MRPS31: variants seen among roughly 807,000 people sequenced by gnomAD.
MRPS31 encodes mitochondrial ribosomal protein S31.
Under a neutral mutation model 43.1 loss-of-function variants are expected in MRPS31, and 32 were observed. That is an observed-to-expected ratio of 0.74 (90% CI 0.56 to 1.00). The LOEUF is 1.00. Among genes scored for constraint, MRPS31 ranks in the 50% least tolerant of loss-of-function variants. The pLI is 0.00. For synonymous variants in MRPS31, 165 were observed against 161.6 expected (o/e 1.02, Z -0.16); for missense variants, 437 against 466.7 (o/e 0.94, Z 0.59).
At chr13:40,761,680 T>C (rs4943812) in intron 2 of MRPS31, among the ~76,000 whole-genome samples, 66,077 of 151,896 alleles carry the variant, frequency 0.44, 16,496 homozygotes, top group East Asian at 0.77. Context: ...ACCATTTCAT[T>C]AATACAAACT....
intron 5 of MRPS31, among the ~76,000 whole-genome samples, chr13:40,752,971 G>C (rs1471578316): frequency 6.6e-6 from 1 of 152,126 alleles, no homozygotes; most frequent in Non-Finnish European, 1.5e-5. Context: ...CTAGTCGCAA[G>C]CCATCATGTT....
At chr13:40,732,847 A>G (rs1879740119) in intron 6 of MRPS31, among the ~76,000 whole-genome samples, 1 of 152,152 alleles carries the variant, frequency 6.6e-6, no homozygotes, top group Non-Finnish European at 1.5e-5. Context: ...AGCAGAACCT[A>G]AACAGAAGTG....
Position 40,767,032 on chromosome 13 carries a change from T to C in MRPS31, c.154A>G (p.Thr52Ala). Residue 52 changes from threonine to alanine, a missense_variant and splice_region_variant, in exon 2 of 7, where the codon ACA becomes GCA. Physicochemically the swap from Thr to Ala is moderately conservative, Grantham distance 58. Coordinates refer to ENST00000323563, the MANE Select transcript of MRPS31 (RefSeq NM_005830.4). ...AAATATCTTTGGATGTTATTTTTTGTCCTGGAAAGATGCATTAAAGAAAAA... is the reference window on the plus strand; with the variant it reads ...AAATATCTTTGGATGTTATTTTTTGCCCTGGAAAGATGCATTAAAGAAAAA... ...RYRSSALLAR[T>A]KNNIQRYFGT... 6.3e-7 allele frequency: 1 copy of C among 1,598,822 alleles called. No individual in the cohort carries two copies. The highest frequency in any genetic ancestry group is 2.2e-5 in the East Asian group (1 of 44,738).
chr13:40,731,942 C>T (rs58902704), intron 6 of MRPS31, among the ~76,000 whole-genome samples: 6,832 of 151,748 alleles, frequency 0.045, 316 homozygotes, highest in East Asian at 0.14. Context: ...GAATGAATGA[C>T]AGCCAAGTGG....
chr13:40,760,778 T>C (rs149361293), intron 2 of MRPS31, among the ~76,000 whole-genome samples: 2 of 152,034 alleles, frequency 1.3e-5, no homozygotes, highest in African/African-American at 2.4e-5. Flanking sequence ...ATTTGCAACA[T>C]TTTTTAACTC....
intron 2 of MRPS31, among the ~76,000 whole-genome samples, chr13:40,761,558 C>G (rs1880695447): frequency 6.6e-6 from 1 of 152,164 alleles, no homozygotes; most frequent in East Asian, 1.9e-4. Flanking sequence ...TGTGGGGGAG[C>G]CTCTGTCATT....
At chr13:40,738,013 AG>A (rs1381122957) in intron 6 of MRPS31, among the ~76,000 whole-genome samples, 5 of 151,996 alleles carry the variant, frequency 3.3e-5, no homozygotes, top group Non-Finnish European at 7.4e-5. Flanking sequence ...GTTTTTTGAA[AG>A]GATCAACAAA....
Position 40,729,620 on chromosome 13 carries a change from T to C in MRPS31, c.959-19A>G, listed in dbSNP as rs1217905810. Reference sequence around the variant, plus strand: ...TCAAAACCTAGGAAATGAGACCAAATACATTACATTATAATTTTAAATACA... The same window carrying C: ...TCAAAACCTAGGAAATGAGACCAAACACATTACATTATAATTTTAAATACA... On this transcript the variant is annotated intron_variant, in intron 6 of 6. Transcript: ENST00000323563. The C allele has an allele frequency of 7.3e-7, 1 of 1,376,774 alleles. No individual in the cohort carries two copies. The highest frequency in any genetic ancestry group is 1.0e-6 in the Non-Finnish European group (1 of 968,842). The allele number at this position is 1,376,774 out of a possible 1,614,324, so 85.3% of individuals were successfully genotyped here.
At chr13:40,753,656 G>A (rs1880452588) in intron 5 of MRPS31, among the ~76,000 whole-genome samples, 2 of 152,186 alleles carry the variant, frequency 1.3e-5, no homozygotes, top group South Asian at 2.1e-4. Flanking sequence ...AACATATCAG[G>A]TAACAGTCAT....
chr13:40,734,687 G>A (rs1266083464), intron 6 of MRPS31, among the ~76,000 whole-genome samples: 1 of 152,102 alleles, frequency 6.6e-6, no homozygotes, highest in Non-Finnish European at 1.5e-5. Context: ...GATCACTTCA[G>A]CCCAGCAGTT....
chr13:40,747,471 G>A (rs1203897069), intron 6 of MRPS31, among the ~76,000 whole-genome samples: 6 of 152,116 alleles, frequency 3.9e-5, no homozygotes, highest in African/African-American at 1.2e-4. Context: ...CTAAAAAGGC[G>A]TTGGTCTTTT....
rs1309233949 is a variant in MRPS31, at chr13:40,729,338, T to C, written c.*34A>G. ...TTATTTTATTTAGTTGTAATATCCA[T>C]CTCTAATTGTTTGAAATAAAAATTT... On this transcript the variant is annotated 3_prime_UTR_variant, in exon 7 of 7. Transcript: ENST00000323563. The C allele has an allele frequency of 1.1e-5, 11 of 1,031,376 alleles. No homozygotes were observed. The highest frequency in any genetic ancestry group is 1.4e-5 in the Non-Finnish European group (10 of 692,246). The allele number at this position is 1,031,376 out of a possible 1,614,324, so 63.9% of individuals were successfully genotyped here.
intron 1 of MRPS31, among the ~76,000 whole-genome samples, chr13:40,769,514 TTGATCTGCTTATGAAAACGTC>T (rs1308138673): frequency 2.0e-5 from 3 of 150,420 alleles, no homozygotes; most frequent in African/African-American, 7.3e-5. Flanking sequence ...CTGAAACTAT[TTGATCTGCTTATGAAAACGTC>T]AGAGGCTATC....
chr13:40,760,150 A>C (rs539469138), intron 2 of MRPS31, among the ~76,000 whole-genome samples: 7 of 151,106 alleles, frequency 4.6e-5, no homozygotes, highest in African/African-American at 1.5e-4. Context: ...AAAAAAAAAA[A>C]AAAAAACTGT....
chr13:40,763,450 T>C (rs1455735551), intron 2 of MRPS31, among the ~76,000 whole-genome samples: 2 of 152,164 alleles, frequency 1.3e-5, no homozygotes, highest in African/African-American at 4.8e-5. Context: ...GTAAGAAGAA[T>C]CACTGCATTT....
chr13:40,757,933 G>A (rs1031111214), intron 3 of MRPS31, among the ~76,000 whole-genome samples: 11 of 150,356 alleles, frequency 7.3e-5, no homozygotes, highest in African/African-American at 2.4e-4. Context: ...ACAAGGTCAG[G>A]AGATCCAGAC....
intron 2 of MRPS31, among the ~76,000 whole-genome samples, chr13:40,765,217 C>T (rs894641131): frequency 1.8e-4 from 28 of 152,224 alleles, no homozygotes; most frequent in African/African-American, 6.3e-4. Context: ...CTTTTATATA[C>T]ATCACACCCA....
In MRPS31 at chr13:40,754,106, A is replaced by C; in HGVS notation, c.741-14T>G. ...AATATATTTTTCCTAAGTCCAAAAA[A>C]AGAAAATAACATTTTAATGAATATA... On this transcript the variant is annotated splice_polypyrimidine_tract_variant and intron_variant, in intron 4 of 6. Transcript: ENST00000323563. 1 of 1,409,472 alleles carries C rather than the reference A, an allele frequency of 7.1e-7. No individual in the cohort carries two copies. The highest frequency in any genetic ancestry group is 9.9e-7 in the Non-Finnish European group (1 of 1,011,928). The allele number at this position is 1,409,472 out of a possible 1,614,324, so 87.3% of individuals were successfully genotyped here. A position where few individuals can be genotyped will look rare whatever the true frequency, so the allele number is the denominator to read the frequency against.
At chr13:40,733,799 C>T (rs1284884797) in intron 6 of MRPS31, among the ~76,000 whole-genome samples, 6 of 151,678 alleles carry the variant, frequency 4.0e-5, no homozygotes, top group African/African-American at 7.3e-5. Flanking sequence ...AGTAAAACCC[C>T]GTCCCTAATA....
Sources: gnomAD v4.1 joint callset for allele counts (sites outside exome capture counted in the v4.1 genomes callset) on GRCh38, gnomAD v4.1.1 for gene constraint, MANE v1.5 for transcripts, NCBI Gene and HGNC (gene_info 2026-07-23, HGNC 2026-07-21) for gene names.